The following CCDC88C variants were observed in gnomAD, a reference collection of about 807,000 sequenced individuals.
The protein encoded by CCDC88C is protein Daple.
A neutral mutation model predicts 198.8 loss-of-function variants in CCDC88C; 131 were observed. The observed-to-expected ratio is 0.66, with a 90% CI of 0.57 to 0.76. CCDC88C has a LOEUF of 0.76. Among genes scored for constraint, CCDC88C ranks in the 30% least tolerant of loss-of-function variants. The probability of loss-of-function intolerance (pLI) is 0.00; values close to 1 mark genes in which losing one functional copy is unlikely to be tolerated. For synonymous variants in CCDC88C, 1,166 were observed against 1,114.7 expected, an observed-to-expected ratio of 1.05 and a Z score of -0.92; for missense variants, 2,553 against 2,631.6, an observed-to-expected ratio of 0.97 and a Z score of 0.65.
At chr14:91,321,346 T>C in intron 12 of CCDC88C, 42 bp from the exon 13 acceptor site, 1 of 1,530,812 alleles carries the variant, frequency 6.5e-7, no homozygotes, top group Non-Finnish European at 8.8e-7. Flanking sequence ...TCTGTGGGCC[T>C]CCACTTCCAC....
At position 91,415,234 on chromosome 14, in the gene CCDC88C, T is replaced by G. The variant is rs145029812; in HGVS notation, c.161+1504A>C. Among the ~76,000 whole-genome samples the G allele has an allele frequency of 5.3e-4, 81 of 152,184 alleles. No homozygotes were observed. The East Asian group carries it at 5.8e-3, about 11-fold the overall frequency. ...AACTCGAATATGCCACGAGACAGCT[T>G]CCGGAAAACTCAGTTTCAACAAAGT... On this transcript the variant is annotated intron_variant, in intron 2 of 29. Coordinates refer to ENST00000389857, the MANE Select transcript of CCDC88C (RefSeq NM_001080414.4).
Position 91,381,388 on chromosome 14 carries a change from CTTCTCTATA to C in CCDC88C, c.271-21686_271-21678del, listed in dbSNP as rs1221081581. On this transcript the variant is annotated intron_variant, in intron 3 of 29. Coordinates refer to ENST00000389857, the MANE Select transcript of CCDC88C (RefSeq NM_001080414.4). The surrounding 1 kb of genome is among the most constrained non-coding windows in gnomAD (Gnocchi z 4.2). ...GAATTTTTTGGGTTTAGGATGTGATCTTCTCTATATTCTCTATGCCCACGAAAGTTGCAT... is the reference window on the plus strand; with the variant it reads ...GAATTTTTTGGGTTTAGGATGTGATCTTCTCTATGCCCACGAAAGTTGCAT... Among the ~76,000 whole-genome samples the C allele has an allele frequency of 6.6e-6, 1 of 152,178 alleles. No individual in the cohort carries two copies. The highest frequency in any genetic ancestry group is 2.4e-5 in the African/African-American group (1 of 41,444).
At chr14:91,323,701 T>A (rs1291566023) in intron 12 of CCDC88C, among the ~76,000 whole-genome samples, 2 of 152,246 alleles carry the variant, frequency 1.3e-5, no homozygotes, top group Non-Finnish European at 2.9e-5. Context: ...CACCATGGTC[T>A]CTAACAAATA....
chr14:91,404,503 A>G (rs912231368), intron 3 of CCDC88C, among the ~76,000 whole-genome samples: 1 of 152,152 alleles, frequency 6.6e-6, no homozygotes, highest in African/African-American at 2.4e-5. Flanking sequence ...GGCCTGTTAA[A>G]ATACAGACTC....
chr14:91,276,691 T>C (rs1214301397), intron 29 of CCDC88C, among the ~76,000 whole-genome samples: 2 of 152,220 alleles, frequency 1.3e-5, no homozygotes, highest in East Asian at 3.8e-4. Flanking sequence ...GGGAATGAGA[T>C]GGAAAGACTG....
intron 23 of CCDC88C, among the ~76,000 whole-genome samples, chr14:91,293,542 ACCT>A (rs1890842867): frequency 5.6e-5 from 1 of 17,966 alleles, no homozygotes. Context: ...GCCACGGCCC[ACCT>A]TCCTGTCCCC....
At chr14:91,387,871 C>T (rs748046357) in intron 3 of CCDC88C, among the ~76,000 whole-genome samples, 30 of 152,200 alleles carry the variant, frequency 2.0e-4, no homozygotes, top group Non-Finnish European at 3.8e-4. Context: ...GCAGGATCAG[C>T]AGTGCCCAAC....
At chr14:91,345,165 T>G (rs750848549) in intron 4 of CCDC88C, among the ~76,000 whole-genome samples, 8 of 110,840 alleles carry the variant, frequency 7.2e-5, no homozygotes, top group African/African-American at 2.5e-4. Context: ...AGAGGTTCAA[T>G]TTATATATAT....
intron 24 of CCDC88C, 76 bp downstream of exon 24, chr14:91,290,919 G>A: frequency 1.2e-6 from 1 of 863,188 alleles, no homozygotes; most frequent in Non-Finnish European, 1.9e-6. Flanking sequence ...TGCCCTAGAT[G>A]GCTGCTTTCA....
At chr14:91,337,726 A>T (rs1893110868) in intron 10 of CCDC88C, among the ~76,000 whole-genome samples, 1 of 152,250 alleles carries the variant, frequency 6.6e-6, no homozygotes, top group East Asian at 1.9e-4. Flanking sequence ...GCACACGGAT[A>T]GAAGGTGATC....
intron 17 of CCDC88C, among the ~76,000 whole-genome samples, chr14:91,307,715 TGA>T (rs1374732393): frequency 3.3e-5 from 5 of 152,100 alleles, no homozygotes; most frequent in South Asian, 2.1e-4. Context: ...TGATCACCTG[TGA>T]GAGTGTGCAC....
intron 3 of CCDC88C, among the ~76,000 whole-genome samples, chr14:91,360,236 T>G (rs1052105991): frequency 7.2e-6 from 1 of 138,126 alleles, no homozygotes; most frequent in South Asian, 2.4e-4. Context: ...CTGGGCAACA[T>G]AGCAAGACCC....
At chr14:91,408,437 C>T in intron 3 of CCDC88C, 1 of 522,032 alleles carries the variant, frequency 1.9e-6, no homozygotes, top group Non-Finnish European at 3.5e-6. Context: ...TAGCACGATG[C>T]TACACACAGC....
chr14:91,326,181 G>C (rs1892576610), intron 10 of CCDC88C, 125 bp from the exon 11 acceptor site: 1 of 796,160 alleles, frequency 1.3e-6, no homozygotes, highest in Admixed American at 3.0e-5. Context: ...GGAAGTCCGA[G>C]GCAGGAAGTT....
In CCDC88C at chr14:91,338,861, C is replaced by T; in HGVS notation, c.810-291G>A. The T allele has an allele frequency of 2.0e-6, 1 of 494,430 alleles. No individual in the cohort carries two copies. The highest frequency in any genetic ancestry group is 3.7e-6 in the Non-Finnish European group (1 of 270,866). The allele number at this position is 494,430 out of a possible 1,614,324, so 30.6% of individuals were successfully genotyped here. A position where few individuals can be genotyped will look rare whatever the true frequency, so the allele number is the denominator to read the frequency against. ...CAGCGGCAGCTGTACCACCCCACAG[C>T]CAGGCTCCACAGGTGACATCCATCA... On this transcript the variant is annotated intron_variant, in intron 8 of 29. Transcript: ENST00000389857. The surrounding 1 kb of genome is among the most constrained non-coding windows in gnomAD (Gnocchi z 4.8).
At chr14:91,308,609 G>C (rs915373231) in intron 16 of CCDC88C, 117 bp from the exon 17 acceptor site, 2 of 1,104,162 alleles carry the variant, frequency 1.8e-6, no homozygotes, top group Non-Finnish European at 2.6e-6. Flanking sequence ...AGCTGCTGCA[G>C]CTTTTGGCCC....
At chr14:91,337,859 C>T (rs568648624) in intron 10 of CCDC88C, 146 bp downstream of exon 10, 5 of 944,400 alleles carry the variant, frequency 5.3e-6, no homozygotes, top group African/African-American at 1.6e-5. Flanking sequence ...CCCTGGGAAG[C>T]CCAGGCAGGC....
chr14:91,343,119 T>TA (rs1241689080), intron 5 of CCDC88C, among the ~76,000 whole-genome samples: 1 of 152,070 alleles, frequency 6.6e-6, no homozygotes, highest in Non-Finnish European at 1.5e-5. Flanking sequence ...CACACCCAGC[T>TA]AATGTTTTCT....
At chr14:91,347,534 G>A (rs1032432534) in intron 4 of CCDC88C, among the ~76,000 whole-genome samples, 1 of 152,132 alleles carries the variant, frequency 6.6e-6, no homozygotes, top group Non-Finnish European at 1.5e-5. Context: ...GACATGAACA[G>A]ACACTTCTCA....
Sources: gnomAD v4.1 joint callset for allele counts (sites outside exome capture counted in the v4.1 genomes callset) on GRCh38, gnomAD v4.1.1 for gene constraint, Gnocchi (gnomAD v3.1) non-coding constraint, MANE v1.5 for transcripts, NCBI Gene and HGNC (gene_info 2026-07-23, HGNC 2026-07-21) for gene names.